Variants in RAD18 observed in about 807,000 individuals in gnomAD.
RAD18 encodes the protein RAD18 E3 ubiquitin protein ligase, also known as E3 ubiquitin-protein ligase RAD18.
RAD18 carries 47 observed loss-of-function variants against 60.4 expected under a neutral mutation model. The ratio of observed to expected loss-of-function variants is 0.78; its 90% CI spans 0.62 to 0.99. The LOEUF (loss-of-function observed/expected upper bound fraction) is 0.99. Among genes scored for constraint, RAD18 ranks in the 50% least tolerant of loss-of-function variants. The probability of loss-of-function intolerance (pLI) is 0.00; values close to 1 mark genes in which losing one functional copy is unlikely to be tolerated. For missense variants in RAD18, 640 were observed against 593.3 expected (o/e 1.08, Z -0.82); for synonymous variants, 225 against 195.5 (o/e 1.15, Z -1.26).
intron 7 of RAD18, among the ~76,000 whole-genome samples, chr3:8,926,803 TGGGG>T (rs1940446738): frequency 6.6e-6 from 1 of 152,168 alleles, no homozygotes; most frequent in Non-Finnish European, 1.5e-5. Context: ...AAACAAGAAA[TGGGG>T]AAAGGATTCC....
intron 11 of RAD18, among the ~76,000 whole-genome samples, chr3:8,897,723 T>C (rs958015734): frequency 4.6e-5 from 7 of 152,154 alleles, no homozygotes; most frequent in African/African-American, 1.7e-4. Context: ...AGGTAGGCAT[T>C]TTAAATCAGT....
At chr3:8,952,581 A>T (rs1238382487) in intron 2 of RAD18, among the ~76,000 whole-genome samples, 1 of 152,342 alleles carries the variant, frequency 6.6e-6, no homozygotes. Flanking sequence ...AGTTGTCACT[A>T]TTAAGTTGAA....
chr3:8,914,582 A>G (rs1331363682), intron 7 of RAD18, among the ~76,000 whole-genome samples: 2 of 152,194 alleles, frequency 1.3e-5, no homozygotes, highest in South Asian at 2.1e-4. Context: ...CCTTATGACG[A>G]TCATTTAAGA....
intron 1 of RAD18, among the ~76,000 whole-genome samples, chr3:8,962,538 G>A (rs1205348514): frequency 1.3e-5 from 2 of 152,220 alleles, no homozygotes; most frequent in South Asian, 2.1e-4. Flanking sequence ...TGAGGGAGAA[G>A]AAGGCTATCT....
At chr3:8,881,934 C>T (rs1342866374) in intron 12 of RAD18, among the ~76,000 whole-genome samples, 1 of 152,192 alleles carries the variant, frequency 6.6e-6, no homozygotes, top group Non-Finnish European at 1.5e-5. Flanking sequence ...AGGTGGCTGC[C>T]ATACAAACAG....
intron 2 of RAD18, among the ~76,000 whole-genome samples, chr3:8,948,841 C>A (rs1013755584): frequency 2.0e-5 from 3 of 152,146 alleles, no homozygotes; most frequent in Non-Finnish European, 2.9e-5. Flanking sequence ...CTGCAAAACA[C>A]AGGAAACATA....
intron 7 of RAD18, among the ~76,000 whole-genome samples, chr3:8,923,716 C>T (rs1940373082): frequency 1.3e-5 from 2 of 151,902 alleles, no homozygotes; most frequent in African/African-American, 4.8e-5. Flanking sequence ...AGCTGATCTC[C>T]TGGCAGAAAC....
chr3:8,903,347 A>C (rs2125051512), intron 9 of RAD18, among the ~76,000 whole-genome samples: 2 of 152,314 alleles, frequency 1.3e-5, no homozygotes, highest in African/African-American at 4.8e-5. Context: ...CAAGAGAACT[A>C]AGAGTATTTG....
At position 8,881,138 on chromosome 3, in the gene RAD18, TAGAG is replaced by T. The variant is rs1939453342; in HGVS notation, c.*215_*218del. ...TACCTGTGTGAAATGTCAGTATTTT[TAGAG>T]AGAGATGTTTTAGAGGCAGGAGGCA... On this transcript the variant is annotated 3_prime_UTR_variant, in exon 13 of 13. Transcript: ENST00000264926. 4.1e-6 allele frequency: 2 copies of T among 482,250 alleles called. No individual in the cohort carries two copies. The highest frequency in any genetic ancestry group is 7.4e-6 in the Non-Finnish European group (2 of 270,806). 29.9% of individuals were successfully genotyped at this position (482,250 alleles called of 1,614,324 possible).
At chr3:8,906,941 CT>C (rs1196415652) in intron 9 of RAD18, among the ~76,000 whole-genome samples, 1 of 152,132 alleles carries the variant, frequency 6.6e-6, no homozygotes, top group East Asian at 1.9e-4. Flanking sequence ...TATTTGGTGA[CT>C]TTCCCAAGGG....
chr3:8,956,470 G>C (rs1423379923), intron 2 of RAD18, among the ~76,000 whole-genome samples: 1 of 152,150 alleles, frequency 6.6e-6, no homozygotes, highest in Non-Finnish European at 1.5e-5. Flanking sequence ...TTAGAACAGA[G>C]TGCAATTTAA....
intron 9 of RAD18, among the ~76,000 whole-genome samples, chr3:8,904,312 GC>G (rs1350534031): frequency 9.2e-5 from 14 of 152,088 alleles, no homozygotes; most frequent in African/African-American, 2.9e-4. Flanking sequence ...ATCTTTTAAC[GC>G]AAAAAGAGAA....
intron 12 of RAD18, among the ~76,000 whole-genome samples, chr3:8,883,577 A>G (rs1467310954): frequency 6.6e-6 from 1 of 152,174 alleles, no homozygotes; most frequent in African/African-American, 2.4e-5. Context: ...CATGCAATCA[A>G]CATTCACTCA....
intron 8 of RAD18, 189 bp from the exon 9 acceptor site, chr3:8,912,561 T>C: frequency 2.7e-6 from 1 of 369,596 alleles, no homozygotes; most frequent in Non-Finnish European, 4.8e-6. Flanking sequence ...GTATACATTT[T>C]ACTCATTATT....
intron 10 of RAD18, 103 bp from the exon 11 acceptor site, chr3:8,899,150 G>A: frequency 1.1e-6 from 1 of 871,198 alleles, no homozygotes; most frequent in Non-Finnish European, 1.7e-6. Flanking sequence ...TAAAGTTGAA[G>A]TATATGTCAC....
At chr3:8,948,900 T>TTGTTCG (rs1940882250) in intron 2 of RAD18, among the ~76,000 whole-genome samples, 1 of 152,210 alleles carries the variant, frequency 6.6e-6, no homozygotes, top group Non-Finnish European at 1.5e-5. Flanking sequence ...CTACTGCTTA[T>TTGTTCG]CATTTGAAAA....
chr3:8,923,022 G>A (rs954523202), intron 7 of RAD18, among the ~76,000 whole-genome samples: 2 of 152,180 alleles, frequency 1.3e-5, no homozygotes, highest in Non-Finnish European at 2.9e-5. Context: ...TTCCTCCAAA[G>A]GAATGCAGCT....
At chr3:8,959,164 A>C (rs894578736) in intron 1 of RAD18, among the ~76,000 whole-genome samples, 163 bp from the exon 2 acceptor site, 4 of 152,254 alleles carry the variant, frequency 2.6e-5, no homozygotes, top group African/African-American at 9.6e-5. Context: ...TTGACAAATA[A>C]ATAAAAACTT....
chr3:8,922,924 A>T (rs900412134), intron 7 of RAD18, among the ~76,000 whole-genome samples: 1 of 152,224 alleles, frequency 6.6e-6, no homozygotes, highest in Non-Finnish European at 1.5e-5. Context: ...GTACGTCACC[A>T]TCATCAAAGA....
Sources: allele counts gnomAD v4.1 joint callset (sites outside exome capture counted in the v4.1 genomes callset), GRCh38; gene constraint gnomAD v4.1.1; transcripts MANE v1.5; gene names NCBI Gene and HGNC (gene_info 2026-07-23, HGNC 2026-07-21).